Variants in POLQ observed in about 807,000 individuals in gnomAD.
The protein encoded by POLQ is epididymis secretory sperm binding protein.
POLQ carries 233 observed loss-of-function variants against 259.2 expected under a neutral mutation model. The ratio of observed to expected loss-of-function variants is 0.90; its 90% confidence interval spans 0.81 to 1.00. POLQ has a LOEUF of 1.00. POLQ is among the 50% of genes least tolerant of loss of function. The pLI is 0.00. For missense variants in POLQ, 2,871 were observed against 3,051.6 expected (o/e 0.94, Z 1.39); for synonymous variants, 1,025 against 1,048.8 (o/e 0.98, Z 0.44).
intron 7 of POLQ, among the ~76,000 whole-genome samples, chr3:121,526,995 C>T (rs1344168419): frequency 4.6e-5 from 7 of 152,070 alleles, no homozygotes; most frequent in African/African-American, 1.4e-4. Context: ...CCTTTACCTC[C>T]CAGGCTCAAA....
chr3:121,452,690 T>A (rs1203585705), intron 25 of POLQ, among the ~76,000 whole-genome samples: 1 of 150,224 alleles, frequency 6.7e-6, no homozygotes, highest in Admixed American at 6.6e-5. Context: ...GGGTGCCCAA[T>A]GCCCGCCATT....
At chr3:121,536,224 T>A (rs2048449749) in intron 5 of POLQ, among the ~76,000 whole-genome samples, 2 of 152,142 alleles carry the variant, frequency 1.3e-5, no homozygotes. Context: ...AGCAAAATCA[T>A]AACATAACTA....
At chr3:121,506,302 A>AAAAAC (rs2048208698) in intron 12 of POLQ, among the ~76,000 whole-genome samples, 1 of 87,168 alleles carries the variant, frequency 1.1e-5, no homozygotes, top group Admixed American at 1.1e-4. Context: ...AAAACAAAAA[A>AAAAAC]ACACACACAC....
chr3:121,446,920 C>A (rs900230591), intron 26 of POLQ, among the ~76,000 whole-genome samples: 2 of 151,914 alleles, frequency 1.3e-5, no homozygotes, highest in Non-Finnish European at 2.9e-5. Flanking sequence ...CACTCTATGT[C>A]TTTTTATTGG....
At chr3:121,456,078 A>AAATG (rs2047734141) in intron 25 of POLQ, among the ~76,000 whole-genome samples, 2 of 152,242 alleles carry the variant, frequency 1.3e-5, no homozygotes, top group African/African-American at 4.8e-5. Flanking sequence ...CTGGTTCAAT[A>AAATG]TACACAAATC....
chr3:121,532,628 T>C (rs2048419405), intron 6 of POLQ, among the ~76,000 whole-genome samples: 2 of 151,494 alleles, frequency 1.3e-5, no homozygotes, highest in African/African-American at 4.9e-5. Context: ...CAGCCTCCCA[T>C]GTTCAAGCAA....
chr3:121,458,105 A>C (rs1412787354), intron 25 of POLQ, among the ~76,000 whole-genome samples: 2 of 152,102 alleles, frequency 1.3e-5, no homozygotes, highest in African/African-American at 4.8e-5. Context: ...TGAAATTGGA[A>C]ATCATCATTC....
At chr3:121,515,086 AGTTTAAACAGCCC>A (rs2048285364) in intron 9 of POLQ, among the ~76,000 whole-genome samples, 1 of 152,192 alleles carries the variant, frequency 6.6e-6, no homozygotes, top group South Asian at 2.1e-4. Flanking sequence ...CAAGGGTGGA[AGTTTAAACAGCCC>A]TCAGTTCAGT....
intron 15 of POLQ, among the ~76,000 whole-genome samples, chr3:121,492,801 A>ATT (rs35516373): frequency 0.036 from 4,454 of 124,752 alleles, 119 homozygotes; most frequent in Middle Eastern, 0.081. Flanking sequence ...ATGCCCAGCT[A>ATT]TTTTTTTTTT....
In POLQ at chr3:121,490,050, T is replaced by C; in HGVS notation, c.2881A>G (p.Lys961Glu). Residue 961 changes from lysine to glutamate, a missense_variant, in exon 16 of 30, where the codon AAA becomes GAA. Coordinates refer to ENST00000264233, the MANE Select transcript of POLQ (RefSeq NM_199420.4). Reference protein sequence around the residue: ...HSPNIVQDLNKSREHTSSFNC... With the variant: ...HSPNIVQDLNESREHTSSFNC... ...AAGGAACTTGTATGCTCTCTACTTT[T>C]ATTTAAGTCTTGCACTATATTTGGT... is the stretch of plus-strand genomic sequence containing the variant. 6.4e-7 allele frequency: 1 copy of C among 1,573,052 alleles called. No homozygotes were observed. The highest frequency in any genetic ancestry group is 8.6e-7 in the Non-Finnish European group (1 of 1,163,692).
chr3:121,507,957 G>A (rs2048222206), intron 12 of POLQ, among the ~76,000 whole-genome samples: 1 of 150,698 alleles, frequency 6.6e-6, no homozygotes, highest in Admixed American at 6.6e-5. Context: ...GGGCTCAAGT[G>A]ATTCTTCTGT....
At chr3:121,543,903 A>C (rs1172088094) in intron 2 of POLQ, among the ~76,000 whole-genome samples, 1 of 151,992 alleles carries the variant, frequency 6.6e-6, no homozygotes, top group Non-Finnish European at 1.5e-5. Context: ...GAATCACTTG[A>C]ACCCGGGAGG....
At chr3:121,497,033 C>T (rs769243898) in intron 13 of POLQ, 101 bp from the exon 14 acceptor site, 5 of 1,127,898 alleles carry the variant, frequency 4.4e-6, no homozygotes, top group Non-Finnish European at 6.5e-6. Context: ...CAACAGAGGG[C>T]TTATATAATA....
At chr3:121,520,209 T>C in intron 8 of POLQ, 126 bp from the exon 9 acceptor site, 1 of 646,712 alleles carries the variant, frequency 1.5e-6, no homozygotes, top group East Asian at 2.7e-5. Context: ...GTTATGACTG[T>C]TGACAAAGGA....
chr3:121,432,646 G>C (rs2047504399), intron 29 of POLQ, among the ~76,000 whole-genome samples: 1 of 152,196 alleles, frequency 6.6e-6, no homozygotes, highest in African/African-American at 2.4e-5. Flanking sequence ...AGAATGCTTG[G>C]AGCTTAGAAA....
chr3:121,474,847 C>T (rs2047913370), intron 20 of POLQ, among the ~76,000 whole-genome samples: 1 of 152,156 alleles, frequency 6.6e-6, no homozygotes, highest in African/African-American at 2.4e-5. Flanking sequence ...ATGGGGCATA[C>T]TTATACTAAA....
At chr3:121,511,383 C>G (rs1260100416) in intron 10 of POLQ, among the ~76,000 whole-genome samples, 1 of 151,492 alleles carries the variant, frequency 6.6e-6, no homozygotes, top group Non-Finnish European at 1.5e-5. Context: ...GGCAACAGAG[C>G]GAGACTTCAT....
chr3:121,505,043 T>A (rs2048198445), intron 12 of POLQ, among the ~76,000 whole-genome samples: 1 of 152,210 alleles, frequency 6.6e-6, no homozygotes, highest in Non-Finnish European at 1.5e-5. Flanking sequence ...GGCAGGTGAC[T>A]GGATCATGAA....
rs149215925 is a variant in POLQ at position 121,493,023 on chromosome 3, C to T, written c.2522+455G>A. 4.2e-3 allele frequency among the ~76,000 whole-genome samples: 635 copies of T among 152,048 alleles called. 3 individuals are homozygous for T. The highest frequency in any genetic ancestry group is 0.014 in the African/African-American group (600 of 41,462). On this transcript the variant is annotated intron_variant, in intron 15 of 29. Coordinates refer to ENST00000264233, the MANE Select transcript of POLQ (RefSeq NM_199420.4). ...TACAAAATAAAAAGTAATCTGCAGC[C>T]GGGCACTTTGGCTCACGCCTATAAT... is the stretch of plus-strand genomic sequence containing the variant.
Sources: allele counts gnomAD v4.1 joint callset (sites outside exome capture counted in the v4.1 genomes callset), GRCh38; gene constraint gnomAD v4.1.1; transcripts MANE v1.5; gene names NCBI Gene and HGNC (gene_info 2026-07-23, HGNC 2026-07-21).